Variants in AMBRA1 observed in about 807,000 individuals in gnomAD.
AMBRA1 encodes activating molecule in BECN1-regulated autophagy protein 1.
In AMBRA1, 47 loss-of-function variants were observed where a neutral mutation model predicts 125.4. The observed-to-expected ratio is 0.37, with a 90% CI of 0.30 to 0.48. AMBRA1 has a LOEUF of 0.48. Ranked by LOEUF, AMBRA1 falls within the 20% of genes least tolerant of loss-of-function variation. The pLI is 0.99. For synonymous variants in AMBRA1, 626 were observed against 655.5 expected (o/e 0.95, Z 0.69); for missense variants, 1,331 against 1,693.4 (o/e 0.79, Z 3.76).
chr11:46,506,090 G>A (rs1039758060), intron 9 of AMBRA1, among the ~76,000 whole-genome samples: 2 of 152,146 alleles, frequency 1.3e-5, no homozygotes, highest in African/African-American at 2.4e-5. Flanking sequence ...TGGAAAAACC[G>A]TATCTACAGG....
chr11:46,554,368 G>A (rs1052792007), intron 1 of AMBRA1, among the ~76,000 whole-genome samples: 2 of 152,158 alleles, frequency 1.3e-5, no homozygotes, highest in African/African-American at 4.8e-5. Flanking sequence ...AGAAAACTGT[G>A]ATGCAACCTC....
chr11:46,431,603 G>A (rs1329232750), intron 14 of AMBRA1, among the ~76,000 whole-genome samples: 1 of 152,244 alleles, frequency 6.6e-6, no homozygotes, highest in Non-Finnish European at 1.5e-5. Flanking sequence ...AAAGAAGCTA[G>A]AGAGGTCTGT....
intron 1 of AMBRA1, among the ~76,000 whole-genome samples, chr11:46,554,658 G>C (rs2043110812): frequency 6.6e-6 from 1 of 152,176 alleles, no homozygotes; most frequent in Non-Finnish European, 1.5e-5. Context: ...CCTGAGAAGA[G>C]ATTTTACTCT....
intron 4 of AMBRA1, 24 bp downstream of exon 4, chr11:46,547,089 A>G (rs766993260): frequency 6.4e-7 from 1 of 1,565,956 alleles, no homozygotes; most frequent in Non-Finnish European, 8.6e-7. Flanking sequence ...CCAAAAGAAA[A>G]GGGTATCTTA....
intron 11 of AMBRA1, among the ~76,000 whole-genome samples, chr11:46,467,012 G>A (rs1362122313): frequency 6.6e-6 from 1 of 151,194 alleles, no homozygotes; most frequent in Non-Finnish European, 1.5e-5. Flanking sequence ...TCACCTCCCG[G>A]ATCCAGGCGA....
intron 1 of AMBRA1, 118 bp from the exon 2 acceptor site, chr11:46,548,618 A>C (rs1343314541): frequency 4.1e-6 from 2 of 493,464 alleles, no homozygotes; most frequent in African/African-American, 1.9e-5. Flanking sequence ...ACACTTTCTC[A>C]GAAAAGACCC....
intron 10 of AMBRA1, 187 bp from the exon 11 acceptor site, chr11:46,493,895 G>A: frequency 1.6e-6 from 1 of 638,056 alleles, no homozygotes; most frequent in Non-Finnish European, 2.7e-6. Context: ...TCCTTCTAAA[G>A]TTCCCCCAAC....
chr11:46,570,704 A>G (rs2043727064), intron 1 of AMBRA1, among the ~76,000 whole-genome samples: 1 of 152,126 alleles, frequency 6.6e-6, no homozygotes, highest in Non-Finnish European at 1.5e-5. Context: ...GGTTAATGAT[A>G]CAACACTGGG....
At chr11:46,527,442 T>C (rs990722063) in intron 7 of AMBRA1, among the ~76,000 whole-genome samples, 5 of 127,136 alleles carry the variant, frequency 3.9e-5, no homozygotes, top group Non-Finnish European at 7.8e-5. Flanking sequence ...ATCATGCCAC[T>C]GTATTCCAGC....
chr11:46,425,705 G>A (rs1219388037), intron 14 of AMBRA1, among the ~76,000 whole-genome samples: 4 of 151,972 alleles, frequency 2.6e-5, no homozygotes, highest in South Asian at 4.1e-4. Flanking sequence ...CCGGGGTGGT[G>A]GCATGCACCT....
intron 8 of AMBRA1, among the ~76,000 whole-genome samples, chr11:46,509,919 A>G (rs1409085754): frequency 1.3e-5 from 2 of 152,172 alleles, no homozygotes; most frequent in African/African-American, 2.4e-5. Context: ...TTATATCCAA[A>G]TGGTACAAAA....
intron 14 of AMBRA1, among the ~76,000 whole-genome samples, chr11:46,422,323 GC>G (rs1475157386): frequency 1.3e-5 from 2 of 152,232 alleles, no homozygotes; most frequent in East Asian, 1.9e-4. Context: ...GAATCAATAT[GC>G]TAGAAAGAAG....
chr11:46,501,929 G>A (rs1446798967), intron 9 of AMBRA1, among the ~76,000 whole-genome samples: 4 of 152,094 alleles, frequency 2.6e-5, no homozygotes, highest in African/African-American at 9.7e-5. Flanking sequence ...AGGAATTACT[G>A]TACTTGCCTT....
intron 7 of AMBRA1, among the ~76,000 whole-genome samples, chr11:46,528,325 C>T (rs763411935): frequency 6.6e-6 from 1 of 152,134 alleles, no homozygotes; most frequent in African/African-American, 2.4e-5. Context: ...TGCCCACCAC[C>T]GCACTCGGCT....
At chr11:46,444,335 G>C (rs951928768) in intron 11 of AMBRA1, among the ~76,000 whole-genome samples, 1 of 152,080 alleles carries the variant, frequency 6.6e-6, no homozygotes, top group Non-Finnish European at 1.5e-5. Flanking sequence ...CTTTCTCTGA[G>C]ATATATTCTT....
intron 7 of AMBRA1, among the ~76,000 whole-genome samples, chr11:46,516,878 G>C (rs922947431): frequency 1.3e-5 from 2 of 152,068 alleles, no homozygotes; most frequent in Non-Finnish European, 2.9e-5. Flanking sequence ...CAAGAAATCA[G>C]GGAGGGCCTA....
intron 16 of AMBRA1, among the ~76,000 whole-genome samples, chr11:46,409,023 A>G (rs894367498): frequency 6.6e-6 from 1 of 152,218 alleles, no homozygotes; most frequent in Non-Finnish European, 1.5e-5. Flanking sequence ...GGCTGATCTG[A>G]AAAGACTAAT....
At chr11:46,413,968 A>G (rs1331128739) in intron 15 of AMBRA1, among the ~76,000 whole-genome samples, 1 of 152,160 alleles carries the variant, frequency 6.6e-6, no homozygotes, top group Non-Finnish European at 1.5e-5. Flanking sequence ...AGGAGGTCCA[A>G]TCAGGGCCAG....
chr11:46,467,116 C>A (rs1307538497), intron 11 of AMBRA1, among the ~76,000 whole-genome samples: 3 of 151,970 alleles, frequency 2.0e-5, no homozygotes, highest in Non-Finnish European at 4.4e-5. Context: ...GGGGTTTCAC[C>A]GTGTTGGCAA....
Sources: allele counts gnomAD v4.1 joint callset (sites outside exome capture counted in the v4.1 genomes callset), GRCh38; gene constraint gnomAD v4.1.1; transcripts MANE v1.5; gene names NCBI Gene and HGNC (gene_info 2026-07-23, HGNC 2026-07-21).